Variants in BCAS3 observed in about 807,000 individuals in gnomAD.
BCAS3 encodes the protein BCAS4/BCAS3 fusion.
BCAS3 carries 53 observed loss-of-function variants against 116.1 expected under a neutral mutation model. The ratio of observed to expected loss-of-function variants is 0.46; its 90% CI spans 0.37 to 0.57. The LOEUF is 0.57. BCAS3 is among the 20% of genes least tolerant of loss of function. The pLI is 0.00. For synonymous variants in BCAS3, 391 were observed against 408.2 expected (o/e 0.96, Z 0.51); for missense variants, 917 against 1,165.4 (o/e 0.79, Z 3.10).
chr17:61,164,095 CT>C (rs11350775), intron 22 of BCAS3, among the ~76,000 whole-genome samples: 102,049 of 134,552 alleles, frequency 0.76, 38,335 homozygotes, highest in South Asian at 0.89. Context: ...AAAGACATGA[CT>C]TTTTTTTTTT....
At chr17:61,081,967 T>C (rs2072655048) in intron 21 of BCAS3, among the ~76,000 whole-genome samples, 1 of 152,138 alleles carries the variant, frequency 6.6e-6, no homozygotes, top group South Asian at 2.1e-4. Flanking sequence ...AGGATACCAA[T>C]AATAATATGT....
In BCAS3 at chr17:61,313,907, G is replaced by T. The variant is rs1009272264; in HGVS notation, c.2426-54420G>T. On this transcript the variant is annotated intron_variant, in intron 22 of 23. Coordinates refer to ENST00000407086, the MANE Select transcript of BCAS3 (RefSeq NM_017679.5). The surrounding 1 kb of genome is among the most constrained non-coding windows in gnomAD (Gnocchi z 4.3). ...TCTCCTCCACCAGCCCCACTCGCCC[G>T]GCCCCATACTTAGTGCTGGCTCCAG... Among the ~76,000 whole-genome samples, 1 of 152,190 alleles carries T rather than the reference G, an allele frequency of 6.6e-6. No homozygotes were observed. The highest frequency in any genetic ancestry group is 1.5e-5 in the Non-Finnish European group (1 of 68,032).
rs960245815 is a variant in BCAS3, at chr17:61,220,740, G to A, written c.2425+136176G>A. On this transcript the variant is annotated intron_variant, in intron 22 of 23. Coordinates refer to ENST00000407086, the MANE Select transcript of BCAS3 (RefSeq NM_017679.5). The surrounding 1 kb of genome is among the most constrained non-coding windows in gnomAD (Gnocchi z 4.5). ...AGTGGCCAAATTAACAAGGTTGTTGGTGTGATACAAGAACTTGGTCTAATC... is the reference window on the plus strand; with the variant it reads ...AGTGGCCAAATTAACAAGGTTGTTGATGTGATACAAGAACTTGGTCTAATC... 6.6e-6 allele frequency among the ~76,000 whole-genome samples: 1 copy of A among 152,192 alleles called. No individual in the cohort carries two copies. Among genetic ancestry groups the A allele is most frequent in the Non-Finnish European group, 1.5e-5 (1 of 68,036 alleles).
chr17:60,959,178 A>G (rs2061293268), intron 14 of BCAS3, among the ~76,000 whole-genome samples: 1 of 151,958 alleles, frequency 6.6e-6, no homozygotes, highest in Non-Finnish European at 1.5e-5. Context: ...CTGGTGGTGC[A>G]TGTCTGTAGT....
At chr17:60,888,147 C>G (rs1481651000) in intron 9 of BCAS3, among the ~76,000 whole-genome samples, 2 of 152,158 alleles carry the variant, frequency 1.3e-5, no homozygotes, top group Non-Finnish European at 2.9e-5. Context: ...ATTCTTTTGG[C>G]AAGCAGGAAA....
chr17:61,290,349 AATT>A (rs2052261311), intron 22 of BCAS3, among the ~76,000 whole-genome samples: 1 of 152,200 alleles, frequency 6.6e-6, no homozygotes, highest in African/African-American at 2.4e-5. Flanking sequence ...GTAAGTTAAA[AATT>A]ATATAGATGA....
At chr17:60,868,026 TG>T (rs1000872920) in intron 7 of BCAS3, among the ~76,000 whole-genome samples, 7 of 149,948 alleles carry the variant, frequency 4.7e-5, no homozygotes, top group Admixed American at 6.7e-5. Context: ...TTTTCTTTCA[TG>T]TTTTTTTTTT....
At chr17:60,727,581 A>G (rs1403986809) in intron 5 of BCAS3, 10 of 926,258 alleles carry the variant, frequency 1.1e-5, no homozygotes, top group Non-Finnish European at 1.6e-5. Context: ...AGGAAAAAAC[A>G]GACTTTATTT....
intron 22 of BCAS3, among the ~76,000 whole-genome samples, chr17:61,121,109 A>G (rs1055843403): frequency 1.3e-5 from 2 of 151,966 alleles, no homozygotes; most frequent in Non-Finnish European, 2.9e-5. Context: ...TAAAGGTTTC[A>G]TGGGCACTTG....
chr17:60,699,017 C>T (rs1223283051), intron 4 of BCAS3, among the ~76,000 whole-genome samples: 1 of 152,084 alleles, frequency 6.6e-6, no homozygotes, highest in Non-Finnish European at 1.5e-5. Context: ...AAGACTGCAT[C>T]ACTACACTCT....
chr17:61,072,838 A>G (rs2071570564), intron 19 of BCAS3, among the ~76,000 whole-genome samples: 1 of 152,026 alleles, frequency 6.6e-6, no homozygotes, highest in Non-Finnish European at 1.5e-5. Flanking sequence ...TACATCTCAA[A>G]ATCTTTGTAC....
chr17:60,704,205 G>A (rs527568838), intron 4 of BCAS3, among the ~76,000 whole-genome samples: 5 of 152,256 alleles, frequency 3.3e-5, no homozygotes, highest in African/African-American at 1.2e-4. Flanking sequence ...CTGCCTGAAC[G>A]AGTTTTTTAA....
At chr17:60,950,625 ATTAT>A (rs1485323636) in intron 14 of BCAS3, among the ~76,000 whole-genome samples, 1 of 152,224 alleles carries the variant, frequency 6.6e-6, no homozygotes, top group Admixed American at 6.5e-5. Context: ...TTTAAAAGTC[ATTAT>A]TTATTAGGCA....
chr17:61,270,415 G>C (rs2050143586), intron 22 of BCAS3, among the ~76,000 whole-genome samples: 1 of 151,914 alleles, frequency 6.6e-6, no homozygotes, highest in Non-Finnish European at 1.5e-5. Flanking sequence ...AAGCCACCAT[G>C]CCTGGCCCTT....
chr17:60,892,702 C>T (rs190017598), intron 10 of BCAS3, among the ~76,000 whole-genome samples: 180 of 152,070 alleles, frequency 1.2e-3, no homozygotes, highest in African/African-American at 4.1e-3. Context: ...GGGTGGATCA[C>T]GTGAGGCCAG....
intron 13 of BCAS3, among the ~76,000 whole-genome samples, chr17:60,938,096 A>G (rs2060030886): frequency 6.6e-6 from 1 of 151,982 alleles, no homozygotes; most frequent in African/African-American, 2.4e-5. Context: ...GGATTTCACC[A>G]TGTTGGCCAG....
rs748383213 is a variant in BCAS3, at chr17:61,388,734, G to C, written c.2594-3243G>C. 6.5e-7 allele frequency: 1 copy of C among 1,535,650 alleles called. No homozygotes were observed. The highest frequency in any genetic ancestry group is 1.4e-5 in the African/African-American group (1 of 72,974). On this transcript the variant is annotated intron_variant, in intron 23 of 23. Coordinates refer to ENST00000407086, the MANE Select transcript of BCAS3 (RefSeq NM_017679.5). This position sits in a 1 kb window ranked among gnomAD's most constrained non-coding sequence, Gnocchi z 6.5. ...GTAAGGCCACACGTTTCCATTTGCC[G>C]CTTGCTCGTAGGGCTGGGCGGCCGG...
At chr17:61,280,393 T>TTG (rs1429945800) in intron 22 of BCAS3, among the ~76,000 whole-genome samples, 1 of 152,228 alleles carries the variant, frequency 6.6e-6, no homozygotes, top group African/African-American at 2.4e-5. Context: ...CAAGAGGCTA[T>TTG]TGGTTATCAC....
intron 22 of BCAS3, among the ~76,000 whole-genome samples, chr17:61,320,156 C>T (rs1490701035): frequency 6.6e-6 from 1 of 151,582 alleles, no homozygotes; most frequent in Admixed American, 6.6e-5. Flanking sequence ...TCCCAAAGTG[C>T]TGGGATTACA....
Sources: allele counts gnomAD v4.1 joint callset (sites outside exome capture counted in the v4.1 genomes callset), GRCh38; gene constraint gnomAD v4.1.1; non-coding constraint Gnocchi (gnomAD v3.1); transcripts MANE v1.5; gene names NCBI Gene and HGNC (gene_info 2026-07-23, HGNC 2026-07-21).